Variants in CORO7 observed in about 807,000 individuals in gnomAD.
The protein encoded by CORO7 is coronin 7, also known as coronin-7.
Under a neutral mutation model 126.6 loss-of-function variants are expected in CORO7, and 107 were observed. That is an observed-to-expected ratio of 0.85 (90% CI 0.72 to 0.99). The LOEUF (loss-of-function observed/expected upper bound fraction) is 0.99. CORO7 is among the 50% of genes least tolerant of loss of function. The pLI, the probability that CORO7 is intolerant of heterozygous loss-of-function variation, is 0.00. For missense variants in CORO7, 1,314 were observed against 1,255.8 expected, an observed-to-expected ratio of 1.05 and a Z score of -0.70; for synonymous variants, 603 against 536.8, an observed-to-expected ratio of 1.12 and a Z score of -1.70.
chr16:4,405,628 G>A, intron 5 of CORO7, 61 bp from the exon 6 acceptor site: 4 of 1,575,902 alleles, frequency 2.5e-6, no homozygotes, highest in Non-Finnish European at 3.4e-6. Context: ...AGTGGGTGGG[G>A]GCGGGCCTTG....
intron 9 of CORO7, among the ~76,000 whole-genome samples, chr16:4,371,217 G>C (rs989364276): frequency 2.0e-5 from 3 of 152,224 alleles, no homozygotes; most frequent in African/African-American, 7.2e-5. Context: ...TGGTGGGGAA[G>C]AGAGTCCAGG....
intron 9 of CORO7, chr16:4,381,762 T>C: frequency 6.2e-7 from 1 of 1,602,422 alleles, no homozygotes; most frequent in Non-Finnish European, 8.5e-7. Context: ...TGCTGGCAGC[T>C]GCCCGCAACC....
At chr16:4,387,263 G>C (rs570803011) in intron 9 of CORO7, among the ~76,000 whole-genome samples, 3 of 152,000 alleles carry the variant, frequency 2.0e-5, no homozygotes, top group Non-Finnish European at 4.4e-5. Context: ...GGGCCTCCTG[G>C]TGTCTGGCTC....
chr16:4,357,071 TGTCCCA>T, intron 26 of CORO7, 91 bp downstream of exon 26: 1 of 1,474,808 alleles, frequency 6.8e-7, no homozygotes, highest in Non-Finnish European at 9.3e-7. Context: ...ATGTGGCTGC[TGTCCCA>T]GTCTGGGTTG....
intron 9 of CORO7, among the ~76,000 whole-genome samples, chr16:4,370,648 G>A (rs1278042012): frequency 6.6e-6 from 1 of 152,224 alleles, no homozygotes; most frequent in Non-Finnish European, 1.5e-5. Context: ...TGTGGGGAGA[G>A]GGCCCTGTGG....
At chr16:4,383,271 G>A in intron 9 of CORO7, 1 of 256,226 alleles carries the variant, frequency 3.9e-6, no homozygotes, top group East Asian at 7.9e-5. Flanking sequence ...CTCCCGGAAA[G>A]AGCAGAGGGA....
Position 4,357,157 on chromosome 16 carries a change from C to T in CORO7, c.2685+11G>A, listed in dbSNP as rs1340637949. 2 of 1,613,674 alleles carry T rather than the reference C, an allele frequency of 1.2e-6. No homozygotes were observed. Among genetic ancestry groups the T allele is most frequent in the African/African-American group, 1.3e-5 (1 of 74,908 alleles). On this transcript the variant is annotated intron_variant, in intron 26 of 27. Coordinates refer to ENST00000251166, the MANE Select transcript of CORO7 (RefSeq NM_024535.5). ...TGTCACCTCCGCACAGCTGCTCTCT[C>T]CCATGCCTACCTCCTCCTTCTTTTG... is the stretch of plus-strand genomic sequence containing the variant.
chr16:4,414,057 G>A (rs1010536449), intron 1 of CORO7, among the ~76,000 whole-genome samples: 6 of 151,918 alleles, frequency 3.9e-5, no homozygotes, highest in Non-Finnish European at 8.8e-5. Flanking sequence ...CATGGTGGCG[G>A]GCACCTACAT....
At chr16:4,411,340 C>T (rs1276265617) in intron 3 of CORO7, among the ~76,000 whole-genome samples, 2 of 152,064 alleles carry the variant, frequency 1.3e-5, no homozygotes. Context: ...CTACAGTGAG[C>T]CATGATTATG....
At chr16:4,378,318 AG>A (rs2054824049) in intron 9 of CORO7, among the ~76,000 whole-genome samples, 1 of 151,792 alleles carries the variant, frequency 6.6e-6, no homozygotes, top group African/African-American at 2.4e-5. Flanking sequence ...ACGAGGCCCA[AG>A]GGGAGCTGCG....
intron 3 of CORO7, among the ~76,000 whole-genome samples, chr16:4,411,777 C>T (rs748740219): frequency 1.3e-5 from 2 of 152,036 alleles, no homozygotes; most frequent in Admixed American, 6.5e-5. Context: ...GGCCCGCGGC[C>T]GCTGCAGCTG....
At chr16:4,360,790 C>G (rs1220638893) in intron 19 of CORO7, among the ~76,000 whole-genome samples, 153 bp downstream of exon 19, 1 of 149,778 alleles carries the variant, frequency 6.7e-6, no homozygotes, top group Non-Finnish European at 1.5e-5. Context: ...CACCACTGGC[C>G]CCCCTCTCCT....
chr16:4,358,003 C>T lies in CORO7; in HGVS notation c.2558G>A (p.Trp853Ter). The change falls in exon 25 of 28, where the codon TGG becomes TAG. Residue 853 changes from tryptophan (W) to a stop codon, truncating the protein, a stop_gained. Transcript: ENST00000251166. LOFTEE classifies it high-confidence loss of function. ...GTCAGGAGGCTGCAGGCTGAGAAGC[C>T]AGGGCTGCCCATTAGCGCCTTGCAG... ...AWLQGANGQP[W>*]LLSLQPPDMS... is the part of the protein sequence containing the mutation. 6.2e-7 allele frequency: 1 copy of T among 1,611,532 alleles called. No individual in the cohort carries two copies. Among genetic ancestry groups the T allele is most frequent in the Non-Finnish European group, 8.5e-7 (1 of 1,178,222 alleles).
In CORO7 at chr16:4,395,137, C is replaced by T. The variant is rs533671710; in HGVS notation, c.615+152G>A. ...CAACACACTTCACAGGAAGAGCTCC[C>T]AGCAGTGGTGGTCCACCTCCTGGGG... On this transcript the variant is annotated intron_variant, in intron 7 of 27. Transcript: ENST00000251166. The T allele has an allele frequency of 1.1e-4, 117 of 1,032,088 alleles. No individual in the cohort carries two copies. In the East Asian group the frequency reaches 2.9e-3, roughly 26 times the overall value. 63.9% of individuals were successfully genotyped at this position (1,032,088 alleles called of 1,614,324 possible).
At chr16:4,405,985 C>T (rs2055984120) in intron 5 of CORO7, among the ~76,000 whole-genome samples, 1 of 152,190 alleles carries the variant, frequency 6.6e-6, no homozygotes, top group African/African-American at 2.4e-5. Flanking sequence ...TTGTGCTCCC[C>T]TAAAAAGATG....
intron 7 of CORO7, among the ~76,000 whole-genome samples, chr16:4,393,651 C>G (rs993682144): frequency 6.6e-6 from 1 of 152,130 alleles, no homozygotes; most frequent in Non-Finnish European, 1.5e-5. Flanking sequence ...GCCCTTGACC[C>G]CGGGTGGGGA....
chr16:4,387,717 G>C, intron 9 of CORO7: 1 of 559,712 alleles, frequency 1.8e-6, no homozygotes, highest in Non-Finnish European at 3.2e-6. Flanking sequence ...GCATACCTGT[G>C]TCAACCCCCA....
chr16:4,374,016 C>CT (rs1467339153), intron 9 of CORO7, among the ~76,000 whole-genome samples: 1 of 152,174 alleles, frequency 6.6e-6, no homozygotes, highest in East Asian at 1.9e-4. Context: ...AGGCTCTGTG[C>CT]TGCCAAGAAA....
At position 4,381,079 on chromosome 16, in the gene CORO7, G is replaced by A. The variant is rs1182285575; in HGVS notation, c.785+6907C>T. The A allele has an allele frequency of 1.9e-6, 3 of 1,609,246 alleles. No homozygotes were observed. The highest frequency in any genetic ancestry group is 2.2e-5 in the East Asian group (1 of 44,586). On this transcript the variant is annotated intron_variant, in intron 9 of 27. Coordinates refer to ENST00000251166, the MANE Select transcript of CORO7 (RefSeq NM_024535.5). ...CTTTGAGAACGGCATCACCATGCTC[G>A]ACGCAGGCAGCTTTGCCGGCCTGCC...
Sources: allele counts gnomAD v4.1 joint callset (sites outside exome capture counted in the v4.1 genomes callset), GRCh38; gene constraint gnomAD v4.1.1; transcripts MANE v1.5; gene names NCBI Gene and HGNC (gene_info 2026-07-23, HGNC 2026-07-21).